The following SENP5 variants were observed in gnomAD, a reference collection of about 807,000 sequenced individuals.
The protein encoded by SENP5 is SUMO specific peptidase 5.
In SENP5, 21 loss-of-function variants were observed where a neutral mutation model predicts 74.2. That is an observed-to-expected ratio of 0.28 (90% CI 0.20 to 0.41). The LOEUF is 0.41. Among genes scored for constraint, SENP5 ranks in the 10% least tolerant of loss-of-function variants. The probability of loss-of-function intolerance (pLI) is 1.00; values close to 1 mark genes in which losing one functional copy is unlikely to be tolerated. For synonymous variants in SENP5, 311 were observed against 312.7 expected (o/e 0.99, Z 0.06); for missense variants, 717 against 889.1 (o/e 0.81, Z 2.46).
At chr3:196,901,324 T>G (rs907026942) in intron 5 of SENP5, among the ~76,000 whole-genome samples, 7 of 152,054 alleles carry the variant, frequency 4.6e-5, no homozygotes, top group Non-Finnish European at 1.0e-4. Context: ...GGATTAAAGA[T>G]GTGAGCCACC....
At position 196,872,429 on chromosome 3, in the gene SENP5, T is replaced by C. The variant is rs181914676; in HGVS notation, c.-32+4356T>C. ...GGATCTCCTACTTGGAGAGTACAAATTGGGCTTCCAGCAGTCTGGCTTCTA... is the reference window on the plus strand; with the variant it reads ...GGATCTCCTACTTGGAGAGTACAAACTGGGCTTCCAGCAGTCTGGCTTCTA... On this transcript the variant is annotated intron_variant, in intron 1 of 9. Transcript: ENST00000323460. Among the ~76,000 whole-genome samples the C allele has an allele frequency of 9.8e-5, 15 of 152,288 alleles. No homozygotes were observed. The East Asian group carries it at 1.5e-3, about 16-fold the overall frequency.
At chr3:196,912,224 A>G (rs1715163727) in intron 6 of SENP5, among the ~76,000 whole-genome samples, 1 of 152,234 alleles carries the variant, frequency 6.6e-6, no homozygotes, top group Non-Finnish European at 1.5e-5. Context: ...CATACGCACC[A>G]TGGAATACTA....
chr3:196,886,600 C>T lies in SENP5; in HGVS notation c.1419C>T (p.Cys473=). The T allele has an allele frequency of 1.2e-6, 2 of 1,612,744 alleles. No individual in the cohort carries two copies. Among genetic ancestry groups the T allele is most frequent in the Non-Finnish European group, 1.7e-6 (2 of 1,179,614 alleles). The change falls in exon 2 of 10, where the codon TGC becomes TGT. Residue 473 remains cysteine, a synonymous_variant. Coordinates refer to ENST00000323460, the MANE Select transcript of SENP5 (RefSeq NM_152699.5). ...CKSPLEAPLV[C]SGLKLENQVG... is the part of the protein sequence containing the mutation. ...GTCCACTGGAGGCTCCCTTGGTGTG[C>T]AGTGGACTCAAACTAGAAAATCAAG...
At chr3:196,919,292 C>T (rs957809460) in intron 6 of SENP5, among the ~76,000 whole-genome samples, 2 of 152,170 alleles carry the variant, frequency 1.3e-5, no homozygotes, top group African/African-American at 4.8e-5. Context: ...ACTGGCCTGG[C>T]CAACTTGGTG....
chr3:196,911,679 G>A (rs1018201421), intron 6 of SENP5, among the ~76,000 whole-genome samples: 32 of 152,022 alleles, frequency 2.1e-4, no homozygotes, highest in Admixed American at 1.8e-3. Context: ...TTGTGGTGGT[G>A]GGGGCCTGTA....
At chr3:196,880,638 CT>C (rs56188124) in intron 1 of SENP5, among the ~76,000 whole-genome samples, 38,807 of 101,488 alleles carry the variant, frequency 0.38, 4,991 homozygotes, top group African/African-American at 0.41. Flanking sequence ...GCCAGTTATT[CT>C]TTTTTTTTTT....
At chr3:196,874,804 G>A (rs1194497544) in intron 1 of SENP5, among the ~76,000 whole-genome samples, 7 of 152,084 alleles carry the variant, frequency 4.6e-5, no homozygotes, top group Non-Finnish European at 8.8e-5. Flanking sequence ...GCTTGAACCC[G>A]GGAGGCGGAG....
At chr3:196,886,726 T>TC (rs772827758) in intron 2 of SENP5, 32 bp downstream of exon 2, 2 of 1,482,434 alleles carry the variant, frequency 1.3e-6, no homozygotes, top group Non-Finnish European at 1.8e-6. Flanking sequence ...TCCCTCAAAC[T>TC]CCAAGCTCAC....
chr3:196,920,493 T>A (rs924389830), intron 6 of SENP5, among the ~76,000 whole-genome samples: 3 of 152,234 alleles, frequency 2.0e-5, no homozygotes, highest in Non-Finnish European at 4.4e-5. Context: ...CAGTTTTATT[T>A]CATTCTTTGC....
At chr3:196,874,948 T>G (rs1415899799) in intron 1 of SENP5, among the ~76,000 whole-genome samples, 1 of 152,216 alleles carries the variant, frequency 6.6e-6, no homozygotes, top group Non-Finnish European at 1.5e-5. Context: ...CTTTTACAAA[T>G]TCTTTCTAGG....
chr3:196,895,335 G>A (rs190008288), intron 2 of SENP5, among the ~76,000 whole-genome samples: 11 of 151,584 alleles, frequency 7.3e-5, no homozygotes, highest in Admixed American at 2.0e-4. Context: ...ACAGGCGCCC[G>A]CCACCATGCC....
In SENP5 at chr3:196,934,524, A is replaced by G. The variant is rs1188018526; in HGVS notation, c.*3601A>G. 1 of 152,248 alleles carries G rather than the reference A, an allele frequency of 6.6e-6. No individual in the cohort carries two copies. The highest frequency in any genetic ancestry group is 1.5e-5 in the Non-Finnish European group (1 of 68,050). 9.4% of individuals were successfully genotyped at this position (152,248 alleles called of 1,614,324 possible). On this transcript the variant is annotated 3_prime_UTR_variant, in exon 10 of 10. Transcript: ENST00000323460. Reference sequence around the variant, plus strand: ...GGCCTCTAGATAATTAAGACGGCCCAGGGAATACCAGCAGAGAAGTGCTAA... The same window carrying G: ...GGCCTCTAGATAATTAAGACGGCCCGGGGAATACCAGCAGAGAAGTGCTAA...
chr3:196,868,699 A>G (rs1174805605), intron 1 of SENP5, among the ~76,000 whole-genome samples: 3 of 152,234 alleles, frequency 2.0e-5, no homozygotes, highest in African/African-American at 4.8e-5. Context: ...TTTTCATCTC[A>G]TGCTAGATAG....
intron 6 of SENP5, among the ~76,000 whole-genome samples, chr3:196,906,842 T>C (rs1714923229): frequency 1.3e-5 from 2 of 152,288 alleles, no homozygotes; most frequent in East Asian, 3.9e-4. Flanking sequence ...GTTCTAACAG[T>C]ACTGAAGAAG....
Position 196,932,156 on chromosome 3 carries a change from G to A in SENP5, c.*1233G>A, listed in dbSNP as rs916301712. 4.4e-5 allele frequency: 8 copies of A among 181,434 alleles called. No homozygotes were observed. Among genetic ancestry groups the A allele is most frequent in the Admixed American group, 3.2e-4 (5 of 15,642 alleles). The allele number at this position is 181,434 out of a possible 1,614,324, so 11.2% of individuals were successfully genotyped here. On this transcript the variant is annotated 3_prime_UTR_variant, in exon 10 of 10. Transcript: ENST00000323460. Reference sequence around the variant, plus strand: ...TTAGCTGCATTAGGATGAATATCACGCGTCTCACATCTTTAATCCAGCCTT... The same window carrying A: ...TTAGCTGCATTAGGATGAATATCACACGTCTCACATCTTTAATCCAGCCTT...
rs544853797 is a variant in SENP5, at chr3:196,888,891, C to T, written c.1513+2197C>T. Among the ~76,000 whole-genome samples, 83 of 151,948 alleles carry T rather than the reference C, an allele frequency of 5.5e-4. No individual in the cohort carries two copies. In the South Asian group the frequency reaches 9.8e-3, roughly 18 times the overall value. ...CAGCACTTTGGGAGGCCGAGGCGGG[C>T]GGATCATGAGGTCAGGAGATCGAGA... On this transcript the variant is annotated intron_variant, in intron 2 of 9. Coordinates refer to ENST00000323460, the MANE Select transcript of SENP5 (RefSeq NM_152699.5).
intron 2 of SENP5, among the ~76,000 whole-genome samples, chr3:196,893,405 T>C (rs1577811386): frequency 1.3e-5 from 2 of 152,184 alleles, no homozygotes; most frequent in South Asian, 4.1e-4. Flanking sequence ...AATTTAGATA[T>C]GCATGCCCTT....
intron 2 of SENP5, among the ~76,000 whole-genome samples, chr3:196,895,707 A>G (rs1463539363): frequency 6.6e-6 from 1 of 151,964 alleles, no homozygotes; most frequent in African/African-American, 2.4e-5. Flanking sequence ...TTTTTTGTAG[A>G]GAAGCGGTCT....
At position 196,886,149 on chromosome 3, in the gene SENP5, T is replaced by G. The variant is rs771120531; in HGVS notation, c.968T>G (p.Val323Gly). 6.2e-7 allele frequency: 1 copy of G among 1,614,230 alleles called. No homozygotes were observed. Among genetic ancestry groups the G allele is most frequent in the East Asian group, 2.2e-5 (1 of 44,874 alleles). ...GTGGTGAAGGGGACGAACTCTCATG[T>G]GCCTGATTGCCACACTAAAGGAAGC... ...SAVVKGTNSH[V>G]PDCHTKGSSF... The change falls in exon 2 of 10, where the codon GTG becomes GGG. Residue 323 changes from valine to glycine, a missense_variant. Val to Gly is a moderately radical substitution (Grantham distance 109). This residue lies in a region of SENP5 where 567 missense variants were observed against 577.4 expected (regional missense o/e 0.98). Transcript: ENST00000323460.
Sources: allele counts gnomAD v4.1 joint callset (sites outside exome capture counted in the v4.1 genomes callset), GRCh38; gene constraint gnomAD v4.1.1; regional missense constraint gnomAD v4.1.1; transcripts MANE v1.5; gene names NCBI Gene and HGNC (gene_info 2026-07-23, HGNC 2026-07-21).